Variants in ASAP1 observed in about 807,000 individuals in gnomAD.
ASAP1 encodes the protein ArfGAP with SH3 domain, ankyrin repeat and PH domain 1, also known as arf-GAP with SH3 domain, ANK repeat and PH domain-containing protein 1.
ASAP1 carries 43 observed loss-of-function variants against 145.2 expected under a neutral mutation model. The observed-to-expected ratio is 0.30, with a 90% CI of 0.23 to 0.38. The LOEUF is 0.38. Ranked by LOEUF, ASAP1 falls within the 10% of genes least tolerant of loss-of-function variation. ASAP1 has a pLI of 1.00. For missense variants in ASAP1, 1,018 were observed against 1,355.3 expected (o/e 0.75, Z 3.91); for synonymous variants, 546 against 515.5 (o/e 1.06, Z -0.80).
chr8:130,080,879 T>C (rs941013074), intron 25 of ASAP1, among the ~76,000 whole-genome samples: 1 of 152,180 alleles, frequency 6.6e-6, no homozygotes, highest in African/African-American at 2.4e-5. Flanking sequence ...GTGATCCACC[T>C]GCCTCGGCCT....
chr8:130,061,581 A>G lies in ASAP1; in HGVS notation c.2702-512T>C, dbSNP rs1308301877. Among the ~76,000 whole-genome samples the G allele has an allele frequency of 2.6e-5, 4 of 152,236 alleles. No individual in the cohort carries two copies. In the East Asian group the frequency reaches 7.7e-4, roughly 29 times the overall value. On this transcript the variant is annotated intron_variant, in intron 27 of 29. Transcript: ENST00000518721. ...TTCTATAGCTGTATCATAATTTATT[A>G]TTATTTCTCCCCATTTTACATGATT...
At chr8:130,079,178 G>T (rs957292797) in intron 26 of ASAP1, among the ~76,000 whole-genome samples, 3 of 152,212 alleles carry the variant, frequency 2.0e-5, no homozygotes, top group African/African-American at 7.2e-5. Context: ...CTGGGTGACA[G>T]AGAAAGGCCC....
intron 2 of ASAP1, among the ~76,000 whole-genome samples, chr8:130,372,504 T>C (rs989744660): frequency 6.6e-6 from 1 of 152,246 alleles, no homozygotes; most frequent in Non-Finnish European, 1.5e-5. Flanking sequence ...ACCAGTGTAT[T>C]ATCTATACCC....
chr8:130,131,082 G>A (rs1357592903), intron 15 of ASAP1, among the ~76,000 whole-genome samples: 17 of 152,014 alleles, frequency 1.1e-4, no homozygotes, highest in Admixed American at 3.3e-4. Flanking sequence ...GCTTGAACCC[G>A]GGAGGCATAG....
intron 4 of ASAP1, among the ~76,000 whole-genome samples, chr8:130,226,071 C>A: frequency 6.7e-6 from 1 of 150,114 alleles, no homozygotes; most frequent in African/African-American, 2.5e-5. Context: ...AGAGATGGGG[C>A]CCTACTATGC....
chr8:130,170,072 T>C (rs959374869), intron 9 of ASAP1, among the ~76,000 whole-genome samples: 6 of 152,228 alleles, frequency 3.9e-5, no homozygotes, highest in Non-Finnish European at 8.8e-5. Context: ...ACTATCTGTT[T>C]TGCTGTCTCC....
intron 24 of ASAP1, 142 bp from the exon 25 acceptor site, chr8:130,092,285 ATCAACC>A: frequency 1.1e-6 from 1 of 872,254 alleles, no homozygotes. Context: ...GGCTAACTCC[ATCAACC>A]TAATAACTCA....
At chr8:130,306,972 A>G (rs895582553) in intron 3 of ASAP1, among the ~76,000 whole-genome samples, 5 of 152,076 alleles carry the variant, frequency 3.3e-5, no homozygotes, top group Non-Finnish European at 1.5e-5. Flanking sequence ...TGCCTGGCCA[A>G]CTCTTCTCAT....
chr8:130,163,293 C>T (rs533615165), intron 11 of ASAP1, among the ~76,000 whole-genome samples: 1 of 152,290 alleles, frequency 6.6e-6, no homozygotes, highest in Non-Finnish European at 1.5e-5. Flanking sequence ...CAGACACTAA[C>T]AACTTATAAA....
At chr8:130,129,904 A>AT (rs1293661872) in intron 15 of ASAP1, among the ~76,000 whole-genome samples, 1 of 152,192 alleles carries the variant, frequency 6.6e-6, no homozygotes, top group Admixed American at 6.5e-5. Context: ...TTAAAACAGT[A>AT]TTTTTTATAT....
At chr8:130,123,630 CTTTCT>C (rs1469642940) in intron 18 of ASAP1, among the ~76,000 whole-genome samples, 1 of 152,102 alleles carries the variant, frequency 6.6e-6, no homozygotes, top group African/African-American at 2.4e-5. Context: ...AAACTAAAGA[CTTTCT>C]TTTATTTTTG....
At chr8:130,262,415 AAAGAGAGAGAGAGAGAGAGAGAGAG>A (rs1819973929) in intron 3 of ASAP1, among the ~76,000 whole-genome samples, 1 of 70,182 alleles carries the variant, frequency 1.4e-5, no homozygotes, top group Non-Finnish European at 2.7e-5. Context: ...AAAAAAAAAA[AAAGAGAGAGAGAGAGAGAGAGAGAG>A]AGAGAGAGAG....
chr8:130,072,456 G>A (rs552321883), intron 27 of ASAP1, among the ~76,000 whole-genome samples: 33 of 152,162 alleles, frequency 2.2e-4, no homozygotes, highest in South Asian at 4.1e-4. Context: ...CATGTAAGAC[G>A]TGCCTTTCGC....
chr8:130,362,034 A>G (rs1176354359), intron 2 of ASAP1, among the ~76,000 whole-genome samples: 1 of 152,128 alleles, frequency 6.6e-6, no homozygotes, highest in Non-Finnish European at 1.5e-5. Context: ...TGATTATGGC[A>G]GGATGCACTT....
At chr8:130,067,632 C>G (rs1007745736) in intron 27 of ASAP1, among the ~76,000 whole-genome samples, 2 of 152,180 alleles carry the variant, frequency 1.3e-5, no homozygotes, top group African/African-American at 4.8e-5. Flanking sequence ...AACTTCTGGA[C>G]TCAGGTGATC....
intron 1 of ASAP1, among the ~76,000 whole-genome samples, chr8:130,437,225 C>A (rs1830344712): frequency 6.6e-6 from 1 of 152,224 alleles, no homozygotes; most frequent in Non-Finnish European, 1.5e-5. Context: ...CAGTGCCTGT[C>A]ATTTGCTGGG....
chr8:130,065,884 G>A (rs1385124625), intron 27 of ASAP1, among the ~76,000 whole-genome samples: 1 of 152,156 alleles, frequency 6.6e-6, no homozygotes, highest in Non-Finnish European at 1.5e-5. Context: ...TGGACCTTAG[G>A]ATAAACTTGT....
At chr8:130,212,055 C>T (rs1816617631) in intron 5 of ASAP1, among the ~76,000 whole-genome samples, 1 of 152,170 alleles carries the variant, frequency 6.6e-6, no homozygotes, top group Admixed American at 6.5e-5. Flanking sequence ...CCCTCTAATC[C>T]AAGGTGTGGC....
intron 12 of ASAP1, among the ~76,000 whole-genome samples, chr8:130,156,458 C>T (rs926750452): frequency 3.9e-5 from 6 of 152,184 alleles, no homozygotes; most frequent in East Asian, 1.9e-4. Context: ...GGGTGAGGAC[C>T]GTATCTCATT....
Sources: allele counts gnomAD v4.1 joint callset (sites outside exome capture counted in the v4.1 genomes callset), GRCh38; gene constraint gnomAD v4.1.1; transcripts MANE v1.5; gene names NCBI Gene and HGNC (gene_info 2026-07-23, HGNC 2026-07-21).